The following ADGRL3 variants were observed in gnomAD, a reference collection of about 807,000 sequenced individuals.
The protein encoded by ADGRL3 is calcium-independent alpha-latrotoxin receptor 3.
In ADGRL3, 62 loss-of-function variants were observed where a neutral mutation model predicts 153.5. That is an observed-to-expected ratio of 0.40 (90% CI 0.33 to 0.50). ADGRL3 has a LOEUF of 0.50. Among genes scored for constraint, ADGRL3 ranks in the 20% least tolerant of loss-of-function variants. The probability of loss-of-function intolerance (pLI) is 0.47; values close to 1 mark genes in which losing one functional copy is unlikely to be tolerated. For synonymous variants in ADGRL3, 710 were observed against 672.5 expected, an observed-to-expected ratio of 1.06 and a Z score of -0.86; for missense variants, 1,641 against 1,859.4, an observed-to-expected ratio of 0.88 and a Z score of 2.16.
intron 17 of ADGRL3, among the ~76,000 whole-genome samples, chr4:61,967,781 A>G (rs2099012348): frequency 1.3e-5 from 2 of 152,228 alleles, no homozygotes; most frequent in African/African-American, 4.8e-5. Context: ...ATAGTTGTAA[A>G]GCACATAGTT....
chr4:61,704,737 C>T (rs151116114), intron 6 of ADGRL3, among the ~76,000 whole-genome samples: 3 of 152,282 alleles, frequency 2.0e-5, no homozygotes, highest in South Asian at 2.1e-4. Context: ...TCTCAAATCC[C>T]GCCACTGCTT....
At chr4:61,587,557 A>G in intron 5 of ADGRL3, 117 bp downstream of exon 5, 1 of 745,730 alleles carries the variant, frequency 1.3e-6, no homozygotes. Context: ...ACACTTCAAA[A>G]TAGTTTTTCC....
intron 4 of ADGRL3, among the ~76,000 whole-genome samples, chr4:61,546,354 A>G (rs2098713945): frequency 6.6e-6 from 1 of 152,160 alleles, no homozygotes. Flanking sequence ...ACCTGTGAGA[A>G]CCTGTTGTTA....
rs75869241 is a variant in ADGRL3 at position 61,428,156 on chromosome 4, A to G, written c.-174+44967A>G. Reference sequence around the variant, plus strand: ...GGGTCCAAGGGGAGTGGGTGAATGGATGGCAGGTAGTTGAAACAACACTCG... The same window carrying G: ...GGGTCCAAGGGGAGTGGGTGAATGGGTGGCAGGTAGTTGAAACAACACTCG... On this transcript the variant is annotated intron_variant, in intron 2 of 26. Transcript: ENST00000683033. 0.011 allele frequency: 1,655 copies of G among 152,764 alleles called. 148 individuals are homozygous for G. The East Asian group carries it at 0.23, about 21-fold the overall frequency. The allele number at this position is 152,764 out of a possible 1,614,324, so 9.5% of individuals were successfully genotyped here.
At position 62,070,629 on chromosome 4, in the gene ADGRL3, T is replaced by C. The variant is rs1430474523; in HGVS notation, c.4353T>C (p.Ser1451=). Residue 1451 remains serine (S), a synonymous_variant, in exon 27 of 27, where the codon TCT becomes TCC. Coordinates refer to ENST00000683033, the MANE Select transcript of ADGRL3 (RefSeq NM_001387552.1). ...TEDLQSPHRD[S]LYTSMPTLAG... ...ATCTCCAGTCACCCCATAGAGACTC[T>C]CTCTATACCAGCATGCCGACACTGG... The C allele has an allele frequency of 6.4e-7, 1 of 1,551,302 alleles. No individual in the cohort carries two copies. The highest frequency in any genetic ancestry group is 2.0e-5 in the Admixed American group (1 of 50,922).
At chr4:61,744,288 A>G (rs2096623561) in intron 8 of ADGRL3, among the ~76,000 whole-genome samples, 1 of 152,208 alleles carries the variant, frequency 6.6e-6, no homozygotes, top group Non-Finnish European at 1.5e-5. Context: ...GGGGCAGGAC[A>G]CAGACAAACA....
At chr4:61,578,981 C>T (rs2098909746) in intron 4 of ADGRL3, among the ~76,000 whole-genome samples, 2 of 152,048 alleles carry the variant, frequency 1.3e-5, no homozygotes, top group Admixed American at 1.3e-4. Context: ...CTGAACTTTC[C>T]CCTTTCTGGT....
intron 2 of ADGRL3, among the ~76,000 whole-genome samples, chr4:61,452,599 T>C (rs1405741336): frequency 6.6e-6 from 1 of 152,188 alleles, no homozygotes; most frequent in Non-Finnish European, 1.5e-5. Context: ...TTGAAATCAT[T>C]CTCAGCTCTT....
intron 5 of ADGRL3, among the ~76,000 whole-genome samples, chr4:61,665,292 T>A (rs2094750500): frequency 6.6e-6 from 1 of 152,138 alleles, no homozygotes; most frequent in African/African-American, 2.4e-5. Flanking sequence ...ATATCTGTAG[T>A]GTCAGCTACT....
At chr4:61,291,626 A>AT (rs1324339012) in intron 1 of ADGRL3, among the ~76,000 whole-genome samples, 1 of 81,358 alleles carries the variant, frequency 1.2e-5, no homozygotes, top group East Asian at 3.7e-4. Context: ...ATATATATAT[A>AT]AAATATTTAT....
At chr4:61,939,276 A>G (rs1430122208) in intron 15 of ADGRL3, among the ~76,000 whole-genome samples, 2 of 152,184 alleles carry the variant, frequency 1.3e-5, no homozygotes, top group Non-Finnish European at 2.9e-5. Flanking sequence ...ATATACATTT[A>G]GCTTGAGGAA....
At chr4:61,985,478 A>G (rs1560468350) in intron 19 of ADGRL3, among the ~76,000 whole-genome samples, 1 of 152,140 alleles carries the variant, frequency 6.6e-6, no homozygotes, top group Non-Finnish European at 1.5e-5. Flanking sequence ...ACATTAATAA[A>G]AAGATTTTCA....
intron 2 of ADGRL3, among the ~76,000 whole-genome samples, chr4:61,403,354 C>T (rs2096954313): frequency 6.6e-6 from 1 of 152,022 alleles, no homozygotes; most frequent in Non-Finnish European, 1.5e-5. Flanking sequence ...ACCATCTAAC[C>T]TCCAGAAATG....
chr4:61,577,220 T>TGG (rs147457611), intron 4 of ADGRL3, among the ~76,000 whole-genome samples: 1 of 112,436 alleles, frequency 8.9e-6, no homozygotes, highest in Middle Eastern at 4.3e-3. Flanking sequence ...GTTAGGGAAA[T>TGG]GGGGGGGGGA....
At chr4:61,294,457 T>C (rs2094334030) in intron 1 of ADGRL3, among the ~76,000 whole-genome samples, 1 of 152,178 alleles carries the variant, frequency 6.6e-6, no homozygotes, top group Admixed American at 6.5e-5. Context: ...TAAATGCATT[T>C]TCAACTTATG....
intron 5 of ADGRL3, among the ~76,000 whole-genome samples, chr4:61,603,242 G>A (rs2099018974): frequency 6.6e-6 from 1 of 152,100 alleles, no homozygotes; most frequent in South Asian, 2.1e-4. Flanking sequence ...CAACACTCCA[G>A]CATTTTCCTC....
intron 19 of ADGRL3, among the ~76,000 whole-genome samples, chr4:61,993,941 T>G (rs1447579850): frequency 6.6e-6 from 1 of 152,166 alleles, no homozygotes; most frequent in African/African-American, 2.4e-5. Context: ...AAAAAACCAA[T>G]GGTGTTTAAC....
At chr4:61,347,697 G>A (rs1329256640) in intron 1 of ADGRL3, among the ~76,000 whole-genome samples, 1 of 152,036 alleles carries the variant, frequency 6.6e-6, no homozygotes, top group Non-Finnish European at 1.5e-5. Context: ...TTGAAGTCCT[G>A]TACTGTGCTC....
rs1296004701 is a variant in ADGRL3, at chr4:61,886,397, T to C, written c.1481-6259T>C. ...GGTTTCTTCAGTAGTGGACTTTGGA[T>C]GTAAATGAACACTTAAAGGGTGGGG... On this transcript the variant is annotated intron_variant, in intron 9 of 26. Coordinates refer to ENST00000683033, the MANE Select transcript of ADGRL3 (RefSeq NM_001387552.1). Among the ~76,000 whole-genome samples the C allele has an allele frequency of 3.3e-5, 5 of 152,192 alleles. No individual in the cohort carries two copies. In the East Asian group the frequency reaches 9.7e-4, roughly 29 times the overall value.
Sources: gnomAD v4.1 joint callset for allele counts (sites outside exome capture counted in the v4.1 genomes callset) on GRCh38, gnomAD v4.1.1 for gene constraint, MANE v1.5 for transcripts, NCBI Gene and HGNC (gene_info 2026-07-23, HGNC 2026-07-21) for gene names.